UBE4B: variants seen among roughly 807,000 people sequenced by gnomAD.
UBE4B encodes the protein ubiquitin conjugation factor E4 B.
UBE4B carries 27 observed loss-of-function variants against 148.1 expected under a neutral mutation model. The observed-to-expected ratio is 0.18, with a 90% CI of 0.13 to 0.25. The LOEUF is 0.25. Ranked by LOEUF, UBE4B falls within the 10% of genes least tolerant of loss-of-function variation. UBE4B has a pLI of 1.00. For missense variants in UBE4B, 1,170 were observed against 1,662.4 expected (o/e 0.70, Z 5.15); for synonymous variants, 596 against 619.3 (o/e 0.96, Z 0.56).
chr1:10,136,534 G>A (rs948243379), intron 16 of UBE4B, among the ~76,000 whole-genome samples: 10 of 151,486 alleles, frequency 6.6e-5, no homozygotes, highest in Non-Finnish European at 8.8e-5. Context: ...CACATTTAAC[G>A]AGGTAGGACA....
At position 10,178,676 on chromosome 1, in the gene UBE4B, T is replaced by C. The variant is rs199665544; in HGVS notation, c.3558T>C (p.Val1186=). ...ACAGTAAGGAATTGTTTGAAGAAGT[T>C]ATTTCAAAGATGCGGAAGGCAGGGA... is the stretch of plus-strand genomic sequence containing the variant. The part of the protein sequence containing the change: ...RSYSKELFEE[V]ISKMRKAGIK... The change falls in exon 26 of 28, where the codon GTT becomes GTC. Residue 1186 remains valine (V), a synonymous_variant. Coordinates refer to ENST00000343090, the MANE Select transcript of UBE4B (RefSeq NM_001105562.3). 4.3e-5 allele frequency: 70 copies of C among 1,613,090 alleles called. 1 individual carries two copies. The East Asian group carries it at 9.8e-4, about 23-fold the overall frequency.
chr1:10,107,191 C>T, intron 7 of UBE4B: 1 of 1,289,294 alleles, frequency 7.8e-7, no homozygotes, highest in Non-Finnish European at 1.0e-6. Context: ...TCTTTGTTCT[C>T]TGATGGCCTT....
In UBE4B at chr1:10,156,029, C is replaced by CA. The variant is rs750295704; in HGVS notation, c.2927-2312dup. Among the ~76,000 whole-genome samples the CA allele has an allele frequency of 4.4e-3, 374 of 85,750 alleles. 2 individuals are homozygous for CA. The highest frequency in any genetic ancestry group is 0.011 in the East Asian group (33 of 3,028). The allele number at this position is 85,750 out of a possible 152,430, so 56.3% of individuals were successfully genotyped here. Reference sequence around the variant, plus strand: ...TGGGCTACAGAGTGAGACTCCATCTCAAAAAAAAAAAAAAAGAAAGAAGGC... The same window carrying CA: ...TGGGCTACAGAGTGAGACTCCATCTCAAAAAAAAAAAAAAAAGAAAGAAGGC... On this transcript the variant is annotated intron_variant, in intron 21 of 27. Transcript: ENST00000343090.
At chr1:10,114,733 G>A (rs189794554) in intron 7 of UBE4B, among the ~76,000 whole-genome samples, 2 of 152,090 alleles carry the variant, frequency 1.3e-5, no homozygotes, top group East Asian at 1.9e-4. Context: ...ACATGGTGGC[G>A]AGCGCCTGTA....
At chr1:10,097,833 C>A (rs923602536) in intron 3 of UBE4B, among the ~76,000 whole-genome samples, 2 of 151,908 alleles carry the variant, frequency 1.3e-5, no homozygotes, top group Admixed American at 1.3e-4. Context: ...AATAAATAAA[C>A]ACATCATGGA....
intron 25 of UBE4B, among the ~76,000 whole-genome samples, chr1:10,173,117 C>T (rs563250504): frequency 1.3e-5 from 2 of 152,264 alleles, no homozygotes; most frequent in Admixed American, 6.5e-5. Flanking sequence ...GTGTCTAAAG[C>T]AGTTTTATCA....
Position 10,179,947 on chromosome 1 carries a change from C to A in UBE4B, c.3900C>A (p.Ser1300Arg), listed in dbSNP as rs140883136. 6.2e-7 allele frequency: 1 copy of A among 1,614,104 alleles called. No individual in the cohort carries two copies. The change falls in exon 28 of 28, where the codon AGC becomes AGA. Residue 1300 changes from serine to arginine, a missense_variant. This residue lies in a region of UBE4B where 348 missense variants were observed against 627.2 expected (regional missense o/e 0.55). Coordinates refer to ENST00000343090, the MANE Select transcript of UBE4B (RefSeq NM_001105562.3). ...IQAWMREKQN[S>R]DH Reference sequence around the variant, plus strand: ...CGTGGATGAGAGAGAAACAGAACAGCGATCACTAAACCGTTCCGCCGCCCA... The same window carrying A: ...CGTGGATGAGAGAGAAACAGAACAGAGATCACTAAACCGTTCCGCCGCCCA...
At chr1:10,034,896 G>T (rs548635584) in intron 1 of UBE4B, among the ~76,000 whole-genome samples, 2 of 152,244 alleles carry the variant, frequency 1.3e-5, no homozygotes, top group Admixed American at 1.3e-4. Context: ...TGTTTTTTTC[G>T]AATACAGCAG....
intron 1 of UBE4B, among the ~76,000 whole-genome samples, chr1:10,048,015 T>C (rs907878546): frequency 1.3e-5 from 2 of 152,142 alleles, no homozygotes; most frequent in African/African-American, 4.8e-5. Context: ...GCCCAGCTAA[T>C]TTTTAAATTT....
chr1:10,149,713 A>AT (rs978282083), intron 20 of UBE4B, among the ~76,000 whole-genome samples: 2 of 151,576 alleles, frequency 1.3e-5, no homozygotes, highest in African/African-American at 2.4e-5. Flanking sequence ...TAGGGTTTTA[A>AT]TTTTTTTTTC....
intron 21 of UBE4B, among the ~76,000 whole-genome samples, chr1:10,156,077 AG>A (rs1312531376): frequency 6.6e-6 from 1 of 150,622 alleles, no homozygotes; most frequent in Non-Finnish European, 1.5e-5. Flanking sequence ...TGGGGGGAGG[AG>A]GGAGAGGTTC....
chr1:10,089,768 C>T (rs910730073), intron 2 of UBE4B, among the ~76,000 whole-genome samples: 1 of 150,470 alleles, frequency 6.6e-6, no homozygotes, highest in Non-Finnish European at 1.5e-5. Flanking sequence ...GGCTCAATCT[C>T]GGCTCACTGC....
intron 10 of UBE4B, among the ~76,000 whole-genome samples, chr1:10,125,051 G>A (rs1035373212): frequency 3.9e-5 from 6 of 152,134 alleles, no homozygotes; most frequent in Non-Finnish European, 8.8e-5. Flanking sequence ...TCTTGAACCC[G>A]AGTGATGGAG....
At chr1:10,046,460 G>A (rs564226108) in intron 1 of UBE4B, among the ~76,000 whole-genome samples, 36 of 152,160 alleles carry the variant, frequency 2.4e-4, no homozygotes, top group Admixed American at 4.6e-4. Flanking sequence ...GATAATGGAA[G>A]TAGAAAGTCC....
intron 9 of UBE4B, among the ~76,000 whole-genome samples, 193 bp from the exon 10 acceptor site, chr1:10,121,769 G>C (rs1645415329): frequency 6.6e-6 from 1 of 152,126 alleles, no homozygotes; most frequent in Non-Finnish European, 1.5e-5. Flanking sequence ...AATTCCCATA[G>C]TGTCTCATTA....
At chr1:10,072,857 C>T (rs1425284000) in intron 2 of UBE4B, 2 of 161,380 alleles carry the variant, frequency 1.2e-5, no homozygotes, top group Non-Finnish European at 2.7e-5. Context: ...ATAATAATTA[C>T]TATTTTATAA....
At position 10,054,719 on chromosome 1, in the gene UBE4B, A is replaced by C. The variant is rs141037031; in HGVS notation, c.25-17309A>C. 4.4e-3 allele frequency: 1,095 copies of C among 246,940 alleles called. 12 individuals are homozygous for C. The highest frequency in any genetic ancestry group is 0.024 in the African/African-American group (1,010 of 42,740). The allele number at this position is 246,940 out of a possible 1,614,324, so 15.3% of individuals were successfully genotyped here. A position where few individuals can be genotyped will look rare whatever the true frequency, so the allele number is the denominator to read the frequency against. The stretch of plus-strand genomic sequence containing the variant: ...ACTCTTCCAGTCTAGCCATGGTAAC[A>C]CTTGCGGGGCATTTTTTTTGGAACA... On this transcript the variant is annotated intron_variant, in intron 1 of 27. Coordinates refer to ENST00000343090, the MANE Select transcript of UBE4B (RefSeq NM_001105562.3).
rs1393919994 is a variant in UBE4B at position 10,145,001 on chromosome 1, C to T, written c.2425C>T (p.His809Tyr). Residue 809 changes from histidine to tyrosine, a missense_variant, in exon 18 of 28, where the codon CAC (histidine) becomes TAC (tyrosine). Transcript: ENST00000343090. Reference protein sequence around the residue: ...QWKDSPLATRHREMLKRCKTQ... With the variant: ...QWKDSPLATRYREMLKRCKTQ... ...GAAAGATTCCCCACTGGCAACTAGA[C>T]ACCGCGAAATGCTGAAGCGCTGTAA... The T allele has an allele frequency of 2.5e-6, 4 of 1,613,694 alleles. No individual in the cohort carries two copies. Among genetic ancestry groups the T allele is most frequent in the African/African-American group, 2.7e-5 (2 of 74,860 alleles).
In UBE4B at chr1:10,106,535, C is replaced by T. The variant is rs751695840; in HGVS notation, c.1148C>T (p.Ser383Leu). The T allele has an allele frequency of 1.2e-6, 2 of 1,600,530 alleles. No individual in the cohort carries two copies. The highest frequency in any genetic ancestry group is 2.2e-5 in the South Asian group (2 of 89,818). Reference protein sequence around the residue: ...SSTGPPLPPASPSATSRRPSS... With the variant: ...SSTGPPLPPALPSATSRRPSS... ...ACGGGTCCACCCCTACCACCCGCCT[C>T]ACCCAGTGCCACGAGCAGACGCCCC... Residue 383 changes from serine (S) to leucine (L), a missense_variant, in exon 7 of 28, where the codon TCA becomes TTA. Coordinates refer to ENST00000343090, the MANE Select transcript of UBE4B (RefSeq NM_001105562.3). This position sits in a 1 kb window ranked among gnomAD's most constrained non-coding sequence, Gnocchi z 4.2.
Sources: gnomAD v4.1 joint callset for allele counts (sites outside exome capture counted in the v4.1 genomes callset) on GRCh38, gnomAD v4.1.1 for gene constraint, gnomAD v4.1.1 regional missense constraint, Gnocchi (gnomAD v3.1) non-coding constraint, MANE v1.5 for transcripts, NCBI Gene and HGNC (gene_info 2026-07-23, HGNC 2026-07-21) for gene names.